Variants in AXIN2 observed in about 807,000 individuals in gnomAD.
AXIN2 encodes axin 2, also known as axin-2.
A neutral mutation model predicts 74.7 loss-of-function variants in AXIN2; 21 were observed. The ratio of observed to expected loss-of-function variants is 0.28; its 90% confidence interval spans 0.20 to 0.40. The LOEUF (loss-of-function observed/expected upper bound fraction) is 0.40. Ranked by LOEUF, AXIN2 falls within the 10% of genes least tolerant of loss-of-function variation. AXIN2 has a pLI of 1.00. For synonymous variants in AXIN2, 532 were observed against 454.9 expected, an observed-to-expected ratio of 1.17 and a Z score of -2.16; for missense variants, 1,144 against 1,111.1, an observed-to-expected ratio of 1.03 and a Z score of -0.42.
intron 4 of AXIN2, among the ~76,000 whole-genome samples, chr17:65,538,893 C>G (rs2144484905): frequency 6.6e-6 from 1 of 152,226 alleles, no homozygotes; most frequent in East Asian, 1.9e-4. Context: ...TGGCCGCACA[C>G]TGCGCACCTT....
rs76025046 is a variant in AXIN2, at chr17:65,547,739, G to A, written c.956+1781C>T. On this transcript the variant is annotated intron_variant, in intron 3 of 10. Transcript: ENST00000307078. ...ACTCTTATTTTACACATAATGCTAA[G>A]ATTCCCACACAATCCACAAAGTAAT... 3.7e-3 allele frequency among the ~76,000 whole-genome samples: 558 copies of A among 152,270 alleles called. 4 individuals are homozygous for A. The highest frequency in any genetic ancestry group is 0.012 in the African/African-American group (511 of 41,540).
chr17:65,559,578 C>G (rs2044331087), intron 1 of AXIN2: 1 of 152,170 alleles, frequency 6.6e-6, no homozygotes, highest in Admixed American at 6.5e-5. Context: ...ACCGTCGCCC[C>G]CGTGCCCCCA....
At position 65,528,637 on chromosome 17, in the gene AXIN2, TA is replaced by T. The variant is rs2043766344; in HGVS notation, c.*1338del. On this transcript the variant is annotated 3_prime_UTR_variant, in exon 11 of 11. Transcript: ENST00000307078. ...AATTATTGTACCAAGTAATTTTCCT[TA>T]AATGAACTCTTTATAATGCATAATT... 4.0e-6 allele frequency: 2 copies of T among 506,178 alleles called. No individual in the cohort carries two copies. Among genetic ancestry groups the T allele is most frequent in the Non-Finnish European group, 7.5e-6 (2 of 266,592 alleles). The allele number at this position is 506,178 out of a possible 1,614,324, so 31.4% of individuals were successfully genotyped here.
intron 4 of AXIN2, among the ~76,000 whole-genome samples, chr17:65,538,750 AG>A (rs2043992082): frequency 6.7e-6 from 1 of 150,278 alleles, no homozygotes; most frequent in Non-Finnish European, 1.5e-5. Context: ...CTCAAGGAAT[AG>A]AAAGTAGAAT....
intron 2 of AXIN2, among the ~76,000 whole-genome samples, chr17:65,556,834 A>G (rs1031404256): frequency 4.6e-5 from 7 of 152,166 alleles, no homozygotes; most frequent in Non-Finnish European, 7.4e-5. Flanking sequence ...AAGATAAATC[A>G]TTCAGAGAGC....
At chr17:65,555,777 A>G (rs2044258639) in intron 2 of AXIN2, among the ~76,000 whole-genome samples, 1 of 152,144 alleles carries the variant, frequency 6.6e-6, no homozygotes, top group Non-Finnish European at 1.5e-5. Flanking sequence ...ACCTTTCCAT[A>G]CACTGTGCAC....
chr17:65,537,751 C>G lies in AXIN2; in HGVS notation c.1285G>C (p.Gly429Arg), dbSNP rs773119996. ...TQHPLSLLPSGSYEEDPQTIL... is the reference protein window; with the variant it reads ...TQHPLSLLPSRSYEEDPQTIL... ...GTCTGCGGGTCTTCCTCGTAGCTGCCGGAGGGCAGTAGGGAGAGGGGGTGC... is the reference window on the plus strand; with the variant it reads ...GTCTGCGGGTCTTCCTCGTAGCTGCGGGAGGGCAGTAGGGAGAGGGGGTGC... The change falls in exon 6 of 11, where the codon GGC becomes CGC. Residue 429 changes from glycine to arginine, a missense_variant. Gly to Arg is a moderately radical substitution (Grantham distance 125). This residue lies in a region of AXIN2 where 1,053 missense variants were observed against 973.5 expected (regional missense o/e 1.08). Coordinates refer to ENST00000307078, the MANE Select transcript of AXIN2 (RefSeq NM_004655.4). 1 of 1,576,380 alleles carries G rather than the reference C, an allele frequency of 6.3e-7. No individual in the cohort carries two copies. Among genetic ancestry groups the G allele is most frequent in the Non-Finnish European group, 8.6e-7 (1 of 1,160,718 alleles).
At chr17:65,535,988 C>T (rs2043906161) in intron 8 of AXIN2, among the ~76,000 whole-genome samples, 1 of 152,184 alleles carries the variant, frequency 6.6e-6, no homozygotes, top group Non-Finnish European at 1.5e-5. Context: ...TCCTCCATCT[C>T]ACAGCTTCTT....
rs1060502153 is a variant in AXIN2 at position 65,549,664 on chromosome 17, T to C, written c.816-4A>G. On this transcript the variant is annotated splice_polypyrimidine_tract_variant and splice_region_variant and intron_variant, in intron 2 of 10. Transcript: ENST00000307078. ...AGGATCGCTCCTCTTGAAGGACCTA[T>C]GGGCAAAGTACAAAAGTGGTTCAGT... 4.4e-6 allele frequency: 7 copies of C among 1,593,950 alleles called. No individual in the cohort carries two copies. The highest frequency in any genetic ancestry group is 1.7e-5 in the Admixed American group (1 of 57,342).
rs773206945 is a variant in AXIN2, at chr17:65,558,329, A to G, written c.292T>C (p.Phe98Leu). 1.2e-6 allele frequency: 2 copies of G among 1,614,216 alleles called. No homozygotes were observed. Among genetic ancestry groups the G allele is most frequent in the Non-Finnish European group, 1.7e-6 (2 of 1,180,036 alleles). ...DQDGAYLFRTFLEREKCVDTL... is the reference protein window; with the variant it reads ...DQDGAYLFRTLLEREKCVDTL... ...TCCACGCATTTCTCCCTCTCCAGGA[A>G]AGTTCGGAACAGGTAAGCACCGTCT... Residue 98 changes from phenylalanine (F) to leucine (L), a missense_variant, in exon 2 of 11, where the codon TTC becomes CTC. Physicochemically the swap from Phe to Leu is conservative, Grantham distance 22 (BLOSUM62 0). Coordinates refer to ENST00000307078, the MANE Select transcript of AXIN2 (RefSeq NM_004655.4).
At chr17:65,531,194 T>TAA (rs5821590) in intron 10 of AXIN2, among the ~76,000 whole-genome samples, 26,677 of 149,242 alleles carry the variant, frequency 0.18, 2,726 homozygotes, top group African/African-American at 0.3. Flanking sequence ...CTTTTCCCTT[T>TAA]AAAAAAAAAA....
chr17:65,537,776 C>T lies in AXIN2; in HGVS notation c.1260G>A (p.Gln420=), dbSNP rs771340546. 6.3e-7 allele frequency: 1 copy of T among 1,587,142 alleles called. No individual in the cohort carries two copies. The highest frequency in any genetic ancestry group is 8.6e-7 in the Non-Finnish European group (1 of 1,166,450). ...CGGAGGGCAGTAGGGAGAGGGGGTG[C>T]TGCGTGGGCGCCCCCTCCCGCGAAT... ...TLNSREGAPT[Q]HPLSLLPSGS... Residue 420 remains glutamine (Q), a synonymous_variant, in exon 6 of 11, where the codon CAG becomes CAA. Transcript: ENST00000307078.
rs1555583360 is a variant in AXIN2 at position 65,558,028 on chromosome 17, T to G, written c.593A>C (p.Glu198Ala). 1 of 1,614,102 alleles carries G rather than the reference T, an allele frequency of 6.2e-7. No homozygotes were observed. Among genetic ancestry groups the G allele is most frequent in the East Asian group, 2.2e-5 (1 of 44,862 alleles). The change falls in exon 2 of 11, where the codon GAA (glutamate) becomes GCA (alanine). Residue 198 changes from glutamate (E) to alanine (A), a missense_variant. Physicochemically the swap from Glu to Ala is moderately radical, Grantham distance 107. Coordinates refer to ENST00000307078, the MANE Select transcript of AXIN2 (RefSeq NM_004655.4). ...GTTTTCTCCCCCACTCCTCACATAT[T>G]CGAGGTATATATCAGAAGTCAAAAA... ...QMFLTSDIYL[E>A]YVRSGGENTA...
At position 65,538,335 on chromosome 17, in the gene AXIN2, G is replaced by C; in HGVS notation, c.1068C>G (p.His356Gln). 2 of 1,614,170 alleles carry C rather than the reference G, an allele frequency of 1.2e-6. No homozygotes were observed. The highest frequency in any genetic ancestry group is 1.7e-6 in the Non-Finnish European group (2 of 1,180,028). ...CGGGGGTCATCTCCTTGGGCAGGCG[G>C]TGGGTTCTCTACAGGACGTGGAAAG... is the stretch of plus-strand genomic sequence containing the variant. ...QVSLPHFPRTHRLPKEMTPVE... is the reference protein window; with the variant it reads ...QVSLPHFPRTQRLPKEMTPVE... Residue 356 changes from histidine to glutamine, a missense_variant, in exon 5 of 11, where the codon CAC (histidine) becomes CAG (glutamine). His to Gln is a conservative substitution (Grantham distance 24, BLOSUM62 0). This residue lies in a region of AXIN2 where 1,053 missense variants were observed against 973.5 expected (regional missense o/e 1.08). Coordinates refer to ENST00000307078, the MANE Select transcript of AXIN2 (RefSeq NM_004655.4).
intron 2 of AXIN2, among the ~76,000 whole-genome samples, chr17:65,555,703 C>G (rs1041986102): frequency 6.6e-6 from 1 of 152,126 alleles, no homozygotes; most frequent in Non-Finnish European, 1.5e-5. Context: ...AGAAAGGCTT[C>G]AACACCCAAG....
intron 10 of AXIN2, among the ~76,000 whole-genome samples, chr17:65,532,000 G>A (rs1406258276): frequency 6.6e-6 from 1 of 152,092 alleles, no homozygotes; most frequent in South Asian, 2.1e-4. Context: ...CTGGGAGGGT[G>A]AGGCGTGACA....
Position 65,529,942 on chromosome 17 carries a change from G to C in AXIN2, c.*34C>G, listed in dbSNP as rs772262044. 3 of 1,613,768 alleles carry C rather than the reference G, an allele frequency of 1.9e-6. No homozygotes were observed. Among genetic ancestry groups the C allele is most frequent in the African/African-American group, 1.3e-5 (1 of 74,888 alleles). On this transcript the variant is annotated 3_prime_UTR_variant, in exon 11 of 11. Coordinates refer to ENST00000307078, the MANE Select transcript of AXIN2 (RefSeq NM_004655.4). ...CCAAGACAGTTCACAAGAGCTTCGG[G>C]CTCCAACAGTTCACCAAAGCCAGAC...
chr17:65,540,920 C>T (rs1362761777), intron 4 of AXIN2, among the ~76,000 whole-genome samples: 4 of 152,172 alleles, frequency 2.6e-5, no homozygotes, highest in Admixed American at 2.0e-4. Context: ...CTCGCTCTGT[C>T]GCCCAGGCTG....
At chr17:65,540,273 TATTC>T (rs2044021432) in intron 4 of AXIN2, among the ~76,000 whole-genome samples, 1 of 152,178 alleles carries the variant, frequency 6.6e-6, no homozygotes. Context: ...AGAGGTTCCT[TATTC>T]ATTCACTCAA....
Sources: gnomAD v4.1 joint callset for allele counts (sites outside exome capture counted in the v4.1 genomes callset) on GRCh38, gnomAD v4.1.1 for gene constraint, gnomAD v4.1.1 regional missense constraint, MANE v1.5 for transcripts, NCBI Gene and HGNC (gene_info 2026-07-23, HGNC 2026-07-21) for gene names.